KDM4C: variants seen among roughly 807,000 people sequenced by gnomAD.
KDM4C encodes lysine demethylase 4C.
In KDM4C, 81 loss-of-function variants were observed where a neutral mutation model predicts 129.3. The observed-to-expected ratio is 0.63, with a 90% CI of 0.52 to 0.75. KDM4C has a LOEUF of 0.75. Among genes scored for constraint, KDM4C ranks in the 30% least tolerant of loss-of-function variants. The probability of loss-of-function intolerance (pLI) is 0.00; values close to 1 mark genes in which losing one functional copy is unlikely to be tolerated. For synonymous variants in KDM4C, 573 were observed against 456.1 expected, an observed-to-expected ratio of 1.26 and a Z score of -3.26; for missense variants, 1,457 against 1,304.0, an observed-to-expected ratio of 1.12 and a Z score of -1.81.
intron 18 of KDM4C, among the ~76,000 whole-genome samples, chr9:7,113,448 A>C (rs75369595): frequency 1.6e-4 from 25 of 152,310 alleles, no homozygotes; most frequent in African/African-American, 5.1e-4. Flanking sequence ...ATCCCATTAA[A>C]CATTTTTGAA....
At chr9:7,170,476 C>T (rs1844848548) in intron 21 of KDM4C, 15 of 982,622 alleles carry the variant, frequency 1.5e-5, no homozygotes, top group Non-Finnish European at 1.8e-5. Context: ...GTTTCATGCC[C>T]TCACATACCA....
At chr9:6,876,930 C>T (rs1488289434) in intron 5 of KDM4C, among the ~76,000 whole-genome samples, 1 of 152,158 alleles carries the variant, frequency 6.6e-6, no homozygotes, top group African/African-American at 2.4e-5. Flanking sequence ...CATCCGACAT[C>T]AGGGAGGTTG....
intron 1 of KDM4C, among the ~76,000 whole-genome samples, chr9:6,770,965 G>A (rs1821696335): frequency 1.3e-5 from 2 of 151,286 alleles, no homozygotes; most frequent in Non-Finnish European, 2.9e-5. Flanking sequence ...CAGTAGAGAC[G>A]GGGTTTCACC....
chr9:6,785,330 C>T (rs1249998392), intron 1 of KDM4C, among the ~76,000 whole-genome samples: 1 of 146,486 alleles, frequency 6.8e-6, no homozygotes, highest in Non-Finnish European at 1.5e-5. Flanking sequence ...TCTGTCTCTT[C>T]TCCTCTTCCT....
Position 6,984,256 on chromosome 9 carries a change from C to G in KDM4C, c.1206C>G (p.Asn402Lys). Residue 402 changes from asparagine (N) to lysine (K), a missense_variant, in exon 10 of 22, where the codon AAC becomes AAG. Physicochemically the swap from Asn to Lys is moderately conservative, Grantham distance 94. Transcript: ENST00000381309. ...SDEVDGAEVP[N>K]PDSVTDDLKV... ...AAGTCGATGGGGCAGAGGTCCCTAA[C>G]CCCGACTCAGTCACAGATGACCTCA... The G allele has an allele frequency of 1.2e-6, 2 of 1,614,002 alleles. No individual in the cohort carries two copies. Among genetic ancestry groups the G allele is most frequent in the Non-Finnish European group, 1.7e-6 (2 of 1,179,900 alleles).
At chr9:7,059,009 T>C (rs1831251132) in intron 17 of KDM4C, among the ~76,000 whole-genome samples, 1 of 152,222 alleles carries the variant, frequency 6.6e-6, no homozygotes, top group South Asian at 2.1e-4. Flanking sequence ...AAAACTTGTA[T>C]CCATCAGTGT....
At position 7,128,242 on chromosome 9, in the gene KDM4C, T is replaced by G; in HGVS notation, c.2781+6T>G. ...CATTTCCTGAGGATATCGTGGTAAG[T>G]AGGCTTCCTTGAGTGCCTGCTACCC... On this transcript the variant is annotated splice_donor_region_variant and intron_variant, in intron 19 of 21. Coordinates refer to ENST00000381309, the MANE Select transcript of KDM4C (RefSeq NM_015061.6). 6.4e-7 allele frequency: 1 copy of G among 1,565,124 alleles called. No homozygotes were observed. Among genetic ancestry groups the G allele is most frequent in the South Asian group, 1.2e-5 (1 of 83,848 alleles).
intron 12 of KDM4C, among the ~76,000 whole-genome samples, chr9:7,011,040 A>G (rs1271027198): frequency 2.0e-5 from 3 of 152,100 alleles, no homozygotes; most frequent in Admixed American, 1.3e-4. Context: ...GCAAAACTCC[A>G]TCTTAAAAAA....
intron 15 of KDM4C, among the ~76,000 whole-genome samples, chr9:7,043,221 C>T (rs1044546503): frequency 2.0e-5 from 3 of 151,926 alleles, no homozygotes; most frequent in African/African-American, 4.8e-5. Flanking sequence ...TGTCTCTGTT[C>T]TTCTAATTTT....
chr9:6,893,779 G>C lies in KDM4C; in HGVS notation c.921+547G>C, dbSNP rs1023555596. The C allele has an allele frequency of 3.3e-5, 5 of 152,138 alleles. No individual in the cohort carries two copies. The East Asian group carries it at 7.7e-4, about 23-fold the overall frequency. 9.4% of individuals were successfully genotyped at this position (152,138 alleles called of 1,614,324 possible). A position where few individuals can be genotyped will look rare whatever the true frequency, so the allele number is the denominator to read the frequency against. The stretch of plus-strand genomic sequence containing the variant: ...CATGTTAAATTTGGTATAAAATTTT[G>C]CATCTCCTGCCCAGTGTATTTAATT... On this transcript the variant is annotated intron_variant, in intron 8 of 21. Transcript: ENST00000381309.
intron 8 of KDM4C, among the ~76,000 whole-genome samples, chr9:6,955,948 A>G (rs1828989216): frequency 6.6e-6 from 1 of 152,194 alleles, no homozygotes; most frequent in Non-Finnish European, 1.5e-5. Flanking sequence ...ATACAACAGA[A>G]CTGTGCCACC....
In KDM4C at chr9:6,805,609, C is replaced by T; in HGVS notation, c.155C>T (p.Pro52Leu). 6.2e-7 allele frequency: 1 copy of T among 1,606,528 alleles called. No individual in the cohort carries two copies. Among genetic ancestry groups the T allele is most frequent in the Non-Finnish European group, 8.5e-7 (1 of 1,177,526 alleles). ...TTATTTTATTTTTAGGTGATTCCTC[C>T]TAAGGAGTGGAAGCCAAGACAGTGC... is the stretch of plus-strand genomic sequence containing the variant. Reference protein sequence around the residue: ...HRAGLAKVIPPKEWKPRQCYD... With the variant: ...HRAGLAKVIPLKEWKPRQCYD... The change falls in exon 3 of 22, where the codon CCT (proline) becomes CTT (leucine). Residue 52 changes from proline to leucine, a missense_variant. Physicochemically the swap from Pro to Leu is moderately conservative, Grantham distance 98. Coordinates refer to ENST00000381309, the MANE Select transcript of KDM4C (RefSeq NM_015061.6).
intron 15 of KDM4C, among the ~76,000 whole-genome samples, chr9:7,039,334 T>G (rs1039536615): frequency 2.0e-5 from 3 of 152,072 alleles, no homozygotes; most frequent in Non-Finnish European, 4.4e-5. Context: ...ATTCTGTTCT[T>G]AGGAGTAATC....
At chr9:7,073,124 C>G (rs1002944731) in intron 17 of KDM4C, among the ~76,000 whole-genome samples, 13 of 152,128 alleles carry the variant, frequency 8.5e-5, no homozygotes, top group African/African-American at 2.9e-4. Flanking sequence ...CTCCTCTGGA[C>G]GACATGGGAC....
At chr9:6,945,783 C>G (rs142082873) in intron 8 of KDM4C, among the ~76,000 whole-genome samples, 2 of 152,094 alleles carry the variant, frequency 1.3e-5, no homozygotes, top group Non-Finnish European at 2.9e-5. Context: ...ATAATCTTAA[C>G]ATGTTAAGGT....
At position 6,986,617 on chromosome 9, in the gene KDM4C, A is replaced by G. The variant is rs899430980; in HGVS notation, c.1628A>G (p.Glu543Gly). The change falls in exon 11 of 22, where the codon GAA becomes GGA. Residue 543 changes from glutamate (E) to glycine (G), a missense_variant. Coordinates refer to ENST00000381309, the MANE Select transcript of KDM4C (RefSeq NM_015061.6). Reference protein sequence around the residue: ...ESHGNGLEPGEIPAVPSGERN... With the variant: ...ESHGNGLEPGGIPAVPSGERN... ...CATGGGAATGGCCTTGAACCTGGGG[A>G]AATCCCAGCGGTCCCCAGTGGAGAG... The G allele has an allele frequency of 6.2e-7, 1 of 1,613,946 alleles. No individual in the cohort carries two copies. Among genetic ancestry groups the G allele is most frequent in the Non-Finnish European group, 8.5e-7 (1 of 1,179,854 alleles).
intron 17 of KDM4C, among the ~76,000 whole-genome samples, chr9:7,093,159 T>C (rs560336278): frequency 7.0e-4 from 106 of 152,226 alleles, no homozygotes; most frequent in Middle Eastern, 6.8e-3. Flanking sequence ...AAAATGTGCA[T>C]GTTTGAATTT....
At chr9:7,172,967 A>G (rs1464066889) in intron 21 of KDM4C, among the ~76,000 whole-genome samples, 2 of 152,244 alleles carry the variant, frequency 1.3e-5, no homozygotes, top group South Asian at 2.1e-4. Context: ...AGTGCCTACC[A>G]TAGACTTTAG....
At chr9:6,876,305 A>T (rs1416605368) in intron 5 of KDM4C, among the ~76,000 whole-genome samples, 1 of 152,174 alleles carries the variant, frequency 6.6e-6, no homozygotes, top group African/African-American at 2.4e-5. Flanking sequence ...GCTCCTAAAT[A>T]TGACTCAGTT....
Sources: allele counts gnomAD v4.1 joint callset (sites outside exome capture counted in the v4.1 genomes callset), GRCh38; gene constraint gnomAD v4.1.1; transcripts MANE v1.5; gene names NCBI Gene and HGNC (gene_info 2026-07-23, HGNC 2026-07-21).